Variants in PPTC7 observed in about 807,000 individuals in gnomAD.
PPTC7 encodes the protein protein phosphatase PTC7 homolog.
In PPTC7, 6 loss-of-function variants were observed where a neutral mutation model predicts 30.8. The ratio of observed to expected loss-of-function variants is 0.19; its 90% CI spans 0.11 to 0.38. PPTC7 has a LOEUF of 0.38. PPTC7 is among the 10% of genes least tolerant of loss of function. The probability of loss-of-function intolerance (pLI) is 1.00; values close to 1 mark genes in which losing one functional copy is unlikely to be tolerated. For missense variants in PPTC7, 218 were observed against 404.8 expected, an observed-to-expected ratio of 0.54 and a Z score of 3.96; for synonymous variants, 163 against 168.1, an observed-to-expected ratio of 0.97 and a Z score of 0.23.
chr12:110,536,900 CAAG>C lies in PPTC7; in HGVS notation c.*134_*136del, dbSNP rs969409003. ...TCTCAACAAAGATCTCAACGAGTCT[CAAG>C]AAGACAGGCAAAAGACTTACATCAC... is the stretch of plus-strand genomic sequence containing the variant. On this transcript the variant is annotated 3_prime_UTR_variant, in exon 6 of 6. Transcript: ENST00000354300. 84 of 682,894 alleles carry C rather than the reference CAAG, an allele frequency of 1.2e-4. 1 individual carries two copies. Among genetic ancestry groups the C allele is most frequent in the Admixed American group, 6.3e-4 (27 of 43,174 alleles). The allele number at this position is 682,894 out of a possible 1,614,324, so 42.3% of individuals were successfully genotyped here.
chr12:110,558,622 T>C (rs1359194069), intron 1 of PPTC7, among the ~76,000 whole-genome samples: 1 of 152,186 alleles, frequency 6.6e-6, no homozygotes, highest in African/African-American at 2.4e-5. Context: ...TCCTTTAGTG[T>C]TTTTGTTTGT....
intron 3 of PPTC7, among the ~76,000 whole-genome samples, chr12:110,544,505 T>C (rs932288026): frequency 1.3e-5 from 2 of 152,220 alleles, no homozygotes; most frequent in Non-Finnish European, 2.9e-5. Flanking sequence ...TGGACACTCA[T>C]CTAAGAAAAG....
chr12:110,583,193 G>A lies in PPTC7; in HGVS notation c.-162C>T, dbSNP rs2064655351. On this transcript the variant is annotated 5_prime_UTR_variant, in exon 1 of 6. Coordinates refer to ENST00000354300, the MANE Select transcript of PPTC7 (RefSeq NM_139283.2). Reference sequence around the variant, plus strand: ...GCCCCTGCCCGACGCGCGGGGCCTCGCACGCGCTCAGCCGCGCGCACCGGA... The same window carrying A: ...GCCCCTGCCCGACGCGCGGGGCCTCACACGCGCTCAGCCGCGCGCACCGGA... The A allele has an allele frequency of 7.2e-6, 2 of 278,994 alleles. No homozygotes were observed. The highest frequency in any genetic ancestry group is 1.5e-4 in the South Asian group (1 of 6,798). 17.3% of individuals were successfully genotyped at this position (278,994 alleles called of 1,614,324 possible). A position where few individuals can be genotyped will look rare whatever the true frequency, so the allele number is the denominator to read the frequency against.
rs1327820284 is a variant in PPTC7, at chr12:110,533,867, A to G, written c.*3170T>C. 6.6e-6 allele frequency: 1 copy of G among 152,198 alleles called. No individual in the cohort carries two copies. The highest frequency in any genetic ancestry group is 1.5e-5 in the Non-Finnish European group (1 of 68,038). The allele number at this position is 152,198 out of a possible 1,614,324, so 9.4% of individuals were successfully genotyped here. On this transcript the variant is annotated 3_prime_UTR_variant, in exon 6 of 6. Transcript: ENST00000354300. ...TGAAGGTGGTTTCCATCTCCGGGCT[A>G]CTGTCCTATCCAGAACACACGCAGC...
rs1249293024 is a variant in PPTC7 at position 110,583,016 on chromosome 12, A to C, written c.16T>G (p.Ser6Ala). The C allele has an allele frequency of 4.9e-6, 7 of 1,442,254 alleles. No individual in the cohort carries two copies. Among genetic ancestry groups the C allele is most frequent in the Non-Finnish European group, 6.3e-6 (7 of 1,107,224 alleles). The allele number at this position is 1,442,254 out of a possible 1,614,324, so 89.3% of individuals were successfully genotyped here. A position where few individuals can be genotyped will look rare whatever the true frequency, so the allele number is the denominator to read the frequency against. MFSVL[S>A]YGRLVARAVL... ...GCGCGGGCCACCAGCCGCCCGTACGAGAGGACCGAGAACATCGCCGCCGCC... is the reference window on the plus strand; with the variant it reads ...GCGCGGGCCACCAGCCGCCCGTACGCGAGGACCGAGAACATCGCCGCCGCC... The change falls in exon 1 of 6, where the codon TCG becomes GCG. Residue 6 changes from serine (S) to alanine (A), a missense_variant. By Grantham distance (99) the Ser-to-Ala change is moderately conservative. Transcript: ENST00000354300.
At chr12:110,560,574 C>T (rs1032253339) in intron 1 of PPTC7, among the ~76,000 whole-genome samples, 3 of 152,148 alleles carry the variant, frequency 2.0e-5, no homozygotes, top group African/African-American at 7.2e-5. Flanking sequence ...CCTCCATTAA[C>T]AGCCATCAAC....
At chr12:110,551,749 G>A (rs772912635) in intron 2 of PPTC7, 40 bp downstream of exon 2, 9 of 1,565,874 alleles carry the variant, frequency 5.7e-6, no homozygotes, top group Non-Finnish European at 7.9e-6. Context: ...AACTATCTAG[G>A]GGGCTTCTTT....
intron 4 of PPTC7, among the ~76,000 whole-genome samples, chr12:110,538,681 A>G (rs149368679): frequency 6.6e-5 from 10 of 152,346 alleles, no homozygotes; most frequent in East Asian, 1.9e-4. Context: ...TCAGAATTTT[A>G]TATCAGGAAG....
intron 1 of PPTC7, among the ~76,000 whole-genome samples, chr12:110,577,780 T>C (rs2064601872): frequency 6.6e-6 from 1 of 152,162 alleles, no homozygotes; most frequent in South Asian, 2.1e-4. Context: ...TATTCAGAGG[T>C]CAAAATTTAT....
chr12:110,539,647 A>C (rs570632339), intron 4 of PPTC7, among the ~76,000 whole-genome samples, 175 bp downstream of exon 4: 45 of 152,226 alleles, frequency 3.0e-4, no homozygotes, highest in Non-Finnish European at 5.7e-4. Flanking sequence ...CTTGGGTAGG[A>C]AGCTTCTTTT....
intron 1 of PPTC7, among the ~76,000 whole-genome samples, chr12:110,579,974 T>C (rs980447983): frequency 4.0e-5 from 6 of 151,272 alleles, no homozygotes; most frequent in African/African-American, 1.5e-4. Flanking sequence ...GATGGCGCCA[T>C]TGCACTCCAG....
chr12:110,581,171 G>A (rs964613545), intron 1 of PPTC7, among the ~76,000 whole-genome samples: 4 of 152,140 alleles, frequency 2.6e-5, no homozygotes, highest in African/African-American at 4.8e-5. Flanking sequence ...CACCTTGGGC[G>A]GCCGAGGCGA....
chr12:110,545,046 ACTATGGTC>A (rs548752846), intron 3 of PPTC7, among the ~76,000 whole-genome samples: 3 of 152,060 alleles, frequency 2.0e-5, no homozygotes, highest in Non-Finnish European at 4.4e-5. Context: ...AGTACCTGGG[ACTATGGTC>A]CTACACCACT....
chr12:110,577,105 T>G (rs111454751), intron 1 of PPTC7, among the ~76,000 whole-genome samples: 4 of 144,252 alleles, frequency 2.8e-5, no homozygotes, highest in African/African-American at 1.0e-4. Context: ...AGGCAGAGGT[T>G]GCAGTGAGCC....
At chr12:110,545,784 A>T (rs2064301439) in intron 3 of PPTC7, 96 bp downstream of exon 3, 3 of 1,087,436 alleles carry the variant, frequency 2.8e-6, no homozygotes, top group Non-Finnish European at 4.2e-6. Context: ...TATTCTTTTC[A>T]TGGAAATGCC....
intron 4 of PPTC7, among the ~76,000 whole-genome samples, chr12:110,539,217 T>G (rs2064239125): frequency 1.3e-5 from 2 of 152,098 alleles, no homozygotes; most frequent in African/African-American, 4.8e-5. Flanking sequence ...TTAAACAGTT[T>G]TAAGAAACCC....
intron 1 of PPTC7, among the ~76,000 whole-genome samples, chr12:110,579,070 A>AGCTGGGAGGCAGAGGTT (rs2064614378): frequency 6.6e-6 from 1 of 152,142 alleles, no homozygotes; most frequent in Non-Finnish European, 1.5e-5. Context: ...AATCGCTTGA[A>AGCTGGGAGGCAGAGGTT]GCTGGGAGGC....
At chr12:110,539,393 G>A (rs1488476294) in intron 4 of PPTC7, among the ~76,000 whole-genome samples, 2 of 152,152 alleles carry the variant, frequency 1.3e-5, no homozygotes, top group African/African-American at 4.8e-5. Context: ...TCCTCTATGG[G>A]AGAAACCCAT....
chr12:110,562,252 A>T (rs11065667), intron 1 of PPTC7, among the ~76,000 whole-genome samples: 7,498 of 127,666 alleles, frequency 0.059, 274 homozygotes, highest in African/African-American at 0.12. Flanking sequence ...GCACCACTGC[A>T]CTCCAGCCTG....
Sources: allele counts gnomAD v4.1 joint callset (sites outside exome capture counted in the v4.1 genomes callset), GRCh38; gene constraint gnomAD v4.1.1; transcripts MANE v1.5; gene names NCBI Gene and HGNC (gene_info 2026-07-23, HGNC 2026-07-21).